The following ARHGAP6 variants were observed in gnomAD, a reference collection of about 807,000 sequenced individuals.
The protein encoded by ARHGAP6 is Rho GTPase activating protein 6.
ARHGAP6 carries 16 observed loss-of-function variants against 55.7 expected under a neutral mutation model. The observed-to-expected ratio is 0.29, with a 90% CI of 0.19 to 0.44. The LOEUF is 0.44. ARHGAP6 is among the 20% of genes least tolerant of loss of function. ARHGAP6 has a pLI of 1.00. For missense variants in ARHGAP6, 698 were observed against 808.9 expected (o/e 0.86, Z 1.66); for synonymous variants, 382 against 360.9 (o/e 1.06, Z -0.66).
intron 1 of ARHGAP6, among the ~76,000 whole-genome samples, chrX:11,469,700 C>T (rs1321942156): frequency 1.8e-5 from 2 of 111,558 alleles, no homozygotes; most frequent in East Asian, 5.6e-4. Context: ...TAGATTTTCA[C>T]GCTAATTGCA....
At chrX:11,580,578 C>T (rs1569406656) in intron 1 of ARHGAP6, among the ~76,000 whole-genome samples, 1 of 111,933 alleles carries the variant, frequency 8.9e-6, no homozygotes, top group Non-Finnish European at 1.9e-5. Context: ...CATCTGTAGC[C>T]AAAACTATTT....
chrX:11,380,964 C>T (rs1190752677), intron 1 of ARHGAP6, among the ~76,000 whole-genome samples: 1 of 112,558 alleles, frequency 8.9e-6, no homozygotes, highest in African/African-American at 3.2e-5. Context: ...TGAAATCTGC[C>T]CTAACCATTT....
At chrX:11,333,385 C>T (rs1238199531) in intron 1 of ARHGAP6, among the ~76,000 whole-genome samples, 2 of 111,741 alleles carry the variant, frequency 1.8e-5, no homozygotes, top group Admixed American at 1.9e-4. Context: ...TTGCTCCTGC[C>T]ATGTGAAGAA....
chrX:11,426,603 C>T (rs1376504736), intron 1 of ARHGAP6, among the ~76,000 whole-genome samples: 1 of 111,007 alleles, frequency 9.0e-6, no homozygotes, highest in Non-Finnish European at 1.9e-5. Context: ...ACATCTCACA[C>T]GTGGAAAATC....
At chrX:11,518,129 T>G (rs1314461800) in intron 1 of ARHGAP6, among the ~76,000 whole-genome samples, 2 of 111,256 alleles carry the variant, frequency 1.8e-5, no homozygotes, top group Admixed American at 9.6e-5. Flanking sequence ...TCCTCCTGTC[T>G]TCAATTTTCT....
chrX:11,375,532 A>G lies in ARHGAP6; in HGVS notation c.589-120825T>C, dbSNP rs976481070. Among the ~76,000 whole-genome samples the G allele has an allele frequency of 9.8e-5, 11 of 112,071 alleles. No homozygotes were observed. The South Asian group carries it at 3.3e-3, about 34-fold the overall frequency. ...CTATATTTACGCATGTGTAATCAGTAATCATGTAACTGTTGTCTTTGAGAT... is the reference window on the plus strand; with the variant it reads ...CTATATTTACGCATGTGTAATCAGTGATCATGTAACTGTTGTCTTTGAGAT... On this transcript the variant is annotated intron_variant, in intron 1 of 12. Transcript: ENST00000337414.
chrX:11,507,058 GCA>G (rs1352875660), intron 1 of ARHGAP6, among the ~76,000 whole-genome samples: 1 of 111,768 alleles, frequency 8.9e-6, no homozygotes, highest in Non-Finnish European at 1.9e-5. Context: ...TTTTCCCTAA[GCA>G]CAGAGCCTTG....
chrX:11,344,254 A>C (rs2048742683), intron 1 of ARHGAP6, among the ~76,000 whole-genome samples: 1 of 111,620 alleles, frequency 9.0e-6, no homozygotes, highest in African/African-American at 3.3e-5. Flanking sequence ...GCCCCTTCTC[A>C]GTTGTGATAA....
intron 1 of ARHGAP6, among the ~76,000 whole-genome samples, chrX:11,453,118 G>C (rs1278456505): frequency 9.4e-6 from 1 of 106,179 alleles, no homozygotes; most frequent in Middle Eastern, 4.5e-3. Flanking sequence ...ACTTAGAAGT[G>C]GTCAAGCTAA....
At chrX:11,575,677 A>T (rs1173828056) in intron 1 of ARHGAP6, among the ~76,000 whole-genome samples, 2 of 112,464 alleles carry the variant, frequency 1.8e-5, no homozygotes, top group African/African-American at 6.5e-5. Flanking sequence ...ACAAGGGATT[A>T]AAAGGAAAGA....
Position 11,167,223 on chromosome X carries a change from G to A in ARHGAP6, c.1809+2282C>T, listed in dbSNP as rs189969325. On this transcript the variant is annotated intron_variant, in intron 9 of 12. Coordinates refer to ENST00000337414, the MANE Select transcript of ARHGAP6 (RefSeq NM_013427.3). Reference sequence around the variant, plus strand: ...TGGACCAAAAAAATCATCCTGTCATGTAGTTTACATTTCTAGGGAGTGGCG... The same window carrying A: ...TGGACCAAAAAAATCATCCTGTCATATAGTTTACATTTCTAGGGAGTGGCG... 2.7e-5 allele frequency among the ~76,000 whole-genome samples: 3 copies of A among 111,806 alleles called. No individual in the cohort carries two copies. The Admixed American group carries it at 2.9e-4, about 11-fold the overall frequency.
chrX:11,633,939 C>A (rs2052388173), intron 1 of ARHGAP6, among the ~76,000 whole-genome samples: 1 of 111,512 alleles, frequency 9.0e-6, no homozygotes, highest in Non-Finnish European at 1.9e-5. Context: ...TGGTACCTGA[C>A]TCAGAGTTGT....
chrX:11,282,690 G>T (rs745452031), intron 1 of ARHGAP6, among the ~76,000 whole-genome samples: 1 of 112,157 alleles, frequency 8.9e-6, no homozygotes, highest in Admixed American at 9.4e-5. Flanking sequence ...ATTTATAAAA[G>T]CTTCCCCAGG....
intron 1 of ARHGAP6, among the ~76,000 whole-genome samples, chrX:11,411,082 A>G (rs767832564): frequency 9.8e-6 from 1 of 101,627 alleles, no homozygotes; most frequent in South Asian, 4.7e-4. Context: ...TAAGGCCAAA[A>G]TATCCCAAAA....
At chrX:11,424,128 C>T (rs1230670032) in intron 1 of ARHGAP6, among the ~76,000 whole-genome samples, 1 of 112,203 alleles carries the variant, frequency 8.9e-6, no homozygotes, top group Admixed American at 9.4e-5. Flanking sequence ...CAAAGTGGAT[C>T]GCAGAGGGAT....
intron 1 of ARHGAP6, among the ~76,000 whole-genome samples, chrX:11,639,680 T>C (rs1477701116): frequency 1.8e-5 from 2 of 110,927 alleles, no homozygotes; most frequent in Non-Finnish European, 3.8e-5. Context: ...CTTTACAGTA[T>C]ATATCTGTGA....
At chrX:11,149,887 A>G (rs1383233457) in intron 10 of ARHGAP6, among the ~76,000 whole-genome samples, 2 of 111,988 alleles carry the variant, frequency 1.8e-5, no homozygotes, top group Non-Finnish European at 1.9e-5. Flanking sequence ...TCAGACTAGT[A>G]CAGATCTTCA....
At chrX:11,321,433 A>G (rs2048431324) in intron 1 of ARHGAP6, among the ~76,000 whole-genome samples, 1 of 111,961 alleles carries the variant, frequency 8.9e-6, no homozygotes, top group Non-Finnish European at 1.9e-5. Context: ...AAAAATAGTA[A>G]TATTTTGAAT....
chrX:11,354,315 CTCTCTCTCTCTCTA>C (rs1484335129), intron 1 of ARHGAP6, among the ~76,000 whole-genome samples: 6 of 67,563 alleles, frequency 8.9e-5, no homozygotes, highest in African/African-American at 1.2e-4. Flanking sequence ...CTCTCTCTCT[CTCTCTCTCTCTCTA>C]TATATATATA....
Sources: allele counts gnomAD v4.1 joint callset (sites outside exome capture counted in the v4.1 genomes callset), GRCh38; gene constraint gnomAD v4.1.1; transcripts MANE v1.5; gene names NCBI Gene and HGNC (gene_info 2026-07-23, HGNC 2026-07-21).